TPRG1: variants seen among roughly 807,000 people sequenced by gnomAD.
TPRG1 encodes tumor protein p63 regulated 1.
A neutral mutation model predicts 29.3 loss-of-function variants in TPRG1; 29 were observed. The ratio of observed to expected loss-of-function variants is 0.99; its 90% confidence interval spans 0.74 to 1.35. The LOEUF (loss-of-function observed/expected upper bound fraction) is 1.35. Ranked by LOEUF, TPRG1 falls within the 40% of genes most tolerant of loss-of-function variation. TPRG1 has a pLI of 0.00. For missense variants in TPRG1, 327 were observed against 335.0 expected, an observed-to-expected ratio of 0.98 and a Z score of 0.19; for synonymous variants, 130 against 116.8, an observed-to-expected ratio of 1.11 and a Z score of -0.73.
At chr3:189,276,426 G>T (rs1716153346) in intron 4 of TPRG1, among the ~76,000 whole-genome samples, 1 of 152,140 alleles carries the variant, frequency 6.6e-6, no homozygotes, top group African/African-American at 2.4e-5. Flanking sequence ...GGTTTCAAAG[G>T]AATTGTGTGA....
chr3:189,239,430 G>A (rs1438703905), intron 4 of TPRG1, among the ~76,000 whole-genome samples: 1 of 152,142 alleles, frequency 6.6e-6, no homozygotes, highest in Non-Finnish European at 1.5e-5. Flanking sequence ...ATATTTTGGT[G>A]GGGACACAGC....
At chr3:189,079,646 G>A (rs116588498) in intron 4 of TPRG1, among the ~76,000 whole-genome samples, 93 of 152,228 alleles carry the variant, frequency 6.1e-4, no homozygotes, top group African/African-American at 2.2e-3. Flanking sequence ...TCCTGGTCTT[G>A]AAAATATTTT....
At chr3:189,116,908 T>A (rs541029154) in intron 1 of TPRG1, among the ~76,000 whole-genome samples, 147 of 152,262 alleles carry the variant, frequency 9.7e-4, no homozygotes, top group African/African-American at 3.5e-3. Context: ...CACCTAAAAG[T>A]GGTAAAGATG....
intron 5 of TPRG1, among the ~76,000 whole-genome samples, chr3:189,155,800 C>A (rs1726592521): frequency 2.0e-5 from 3 of 152,112 alleles, no homozygotes; most frequent in Admixed American, 6.5e-5. Context: ...CTCATAGAAG[C>A]AGAGTGTAGA....
chr3:189,250,513 C>T (rs202222120), intron 4 of TPRG1, among the ~76,000 whole-genome samples: 1 of 88,738 alleles, frequency 1.1e-5, no homozygotes, highest in Non-Finnish European at 2.1e-5. Context: ...CGCCCCCCCC[C>T]CCCCACCCAG....
At chr3:189,161,633 T>C (rs1034938580) in intron 5 of TPRG1, among the ~76,000 whole-genome samples, 5 of 152,200 alleles carry the variant, frequency 3.3e-5, no homozygotes, top group African/African-American at 9.6e-5. Flanking sequence ...TTTTCACTCT[T>C]TATCCACTTC....
chr3:189,052,079 A>G (rs1715355499), intron 4 of TPRG1, among the ~76,000 whole-genome samples: 1 of 152,228 alleles, frequency 6.6e-6, no homozygotes, highest in South Asian at 2.1e-4. Flanking sequence ...TGCAATAAAA[A>G]CAAAAATAAA....
chr3:189,192,364 A>G (rs1731826760), intron 1 of TPRG1, among the ~76,000 whole-genome samples: 1 of 152,184 alleles, frequency 6.6e-6, no homozygotes, highest in African/African-American at 2.4e-5. Context: ...TACATAATGA[A>G]TGCTTTCTAT....
chr3:189,113,426 G>C (rs1426166279), intron 1 of TPRG1, among the ~76,000 whole-genome samples: 1 of 152,132 alleles, frequency 6.6e-6, no homozygotes, highest in African/African-American at 2.4e-5. Flanking sequence ...GAATAGGAGT[G>C]GTGAGACAGG....
At position 189,207,469 on chromosome 3, in the gene TPRG1, C is replaced by G. The variant is rs190417379; in HGVS notation, c.85C>G (p.Leu29Val). 3.7e-6 allele frequency: 6 copies of G among 1,614,052 alleles called. No individual in the cohort carries two copies. In the Admixed American group the frequency reaches 1.0e-4, roughly 27 times the overall value. ...GDDQPSETDHLSMEEEDPMPR... is the reference protein window; with the variant it reads ...GDDQPSETDHVSMEEEDPMPR... ...TGACCAACCCTCTGAGACTGACCAC[C>G]TATCGATGGAGGAAGAGGACCCGAT... Residue 29 changes from leucine (L) to valine (V), a missense_variant, in exon 2 of 6, where the codon CTA becomes GTA. Leu to Val is a conservative substitution (Grantham distance 32). Coordinates refer to ENST00000345063, the MANE Select transcript of TPRG1 (RefSeq NM_198485.4).
At chr3:189,102,114 C>A (rs1327438978) in intron 1 of TPRG1, among the ~76,000 whole-genome samples, 4 of 152,172 alleles carry the variant, frequency 2.6e-5, no homozygotes, top group Non-Finnish European at 5.9e-5. Context: ...ATTCCACACA[C>A]TTTTTCCAAA....
chr3:189,133,711 G>A (rs540390485), intron 3 of TPRG1, among the ~76,000 whole-genome samples: 1 of 152,300 alleles, frequency 6.6e-6, no homozygotes, highest in African/African-American at 2.4e-5. Flanking sequence ...CTTTATAGCA[G>A]TGTGAGAACA....
chr3:189,304,484 T>G (rs910867713), intron 4 of TPRG1, among the ~76,000 whole-genome samples: 1 of 152,160 alleles, frequency 6.6e-6, no homozygotes, highest in East Asian at 1.9e-4. Context: ...TTAATCTCAC[T>G]GAGCTAAAGG....
intron 1 of TPRG1, among the ~76,000 whole-genome samples, chr3:189,110,948 T>G (rs1351672318): frequency 6.6e-6 from 1 of 151,656 alleles, no homozygotes; most frequent in Non-Finnish European, 1.5e-5. Flanking sequence ...AAACCTTTCT[T>G]TAATACCAAC....
chr3:189,171,557 G>A (rs2108661170), upstream of TPRG1, among the ~76,000 whole-genome samples: 1 of 152,336 alleles, frequency 6.6e-6, no homozygotes, highest in South Asian at 2.1e-4. Flanking sequence ...GTGTACATGT[G>A]TTTGTTTTCA....
intron 4 of TPRG1, among the ~76,000 whole-genome samples, chr3:189,263,664 ATC>A (rs1713540485): frequency 6.6e-6 from 1 of 152,224 alleles, no homozygotes. Context: ...TTGCCCACTT[ATC>A]TCTCAGGATA....
intron 4 of TPRG1, among the ~76,000 whole-genome samples, chr3:189,087,571 A>G (rs1049493235): frequency 6.6e-6 from 1 of 152,220 alleles, no homozygotes; most frequent in Non-Finnish European, 1.5e-5. Flanking sequence ...TTAGACATTA[A>G]GTACTTGCCC....
chr3:189,139,090 G>A (rs777060354), intron 3 of TPRG1, among the ~76,000 whole-genome samples: 2 of 152,154 alleles, frequency 1.3e-5, no homozygotes, highest in Admixed American at 6.5e-5. Flanking sequence ...CATTTAGAAA[G>A]CACCATGTGG....
chr3:189,203,087 T>C (rs1264864877), intron 1 of TPRG1, among the ~76,000 whole-genome samples: 1 of 152,186 alleles, frequency 6.6e-6, no homozygotes, highest in Non-Finnish European at 1.5e-5. Flanking sequence ...AAAGTTGAAC[T>C]AAACAATAAC....
Sources: allele counts gnomAD v4.1 joint callset (sites outside exome capture counted in the v4.1 genomes callset), GRCh38; gene constraint gnomAD v4.1.1; transcripts MANE v1.5; gene names NCBI Gene and HGNC (gene_info 2026-07-23, HGNC 2026-07-21).